CNDP1: variants seen among roughly 807,000 people sequenced by gnomAD.
CNDP1 encodes beta-Ala-His dipeptidase.
Under a neutral mutation model 58.1 loss-of-function variants are expected in CNDP1, and 44 were observed. That is an observed-to-expected ratio of 0.76 (90% CI 0.60 to 0.97). The LOEUF (loss-of-function observed/expected upper bound fraction) is 0.97. Among genes scored for constraint, CNDP1 ranks in the 50% least tolerant of loss-of-function variants. CNDP1 has a pLI of 0.00. For synonymous variants in CNDP1, 254 were observed against 252.6 expected, an observed-to-expected ratio of 1.01 and a Z score of -0.05; for missense variants, 616 against 655.1, an observed-to-expected ratio of 0.94 and a Z score of 0.65.
At position 74,543,509 on chromosome 18, in the gene CNDP1, C is replaced by CAAAATAAAAT. The variant is rs56408022; in HGVS notation, c.24+8843_24+8852dup. The stretch of plus-strand genomic sequence containing the variant: ...TCCTGTCTCAAAAAATAAAACAAAA[C>CAAAATAAAAT]AAAATAAAATAAAATAAAATAAAAT... On this transcript the variant is annotated intron_variant, in intron 1 of 11. Transcript: ENST00000358821. Among the ~76,000 whole-genome samples the CAAAATAAAAT allele has an allele frequency of 9.1e-3, 1,360 of 148,762 alleles. 8 individuals carry two copies. The highest frequency in any genetic ancestry group is 0.023 in the East Asian group (117 of 5,064).
At chr18:74,552,889 G>A (rs565283314) in intron 1 of CNDP1, among the ~76,000 whole-genome samples, 5 of 152,270 alleles carry the variant, frequency 3.3e-5, no homozygotes, top group African/African-American at 7.2e-5. Context: ...AGGCTTTTGC[G>A]TTCCCATCAG....
rs541745949 is a variant in CNDP1 at position 74,548,061 on chromosome 18, G to A, written c.25-8277G>A. 1.1e-4 allele frequency among the ~76,000 whole-genome samples: 16 copies of A among 152,262 alleles called. No individual in the cohort carries two copies. The East Asian group carries it at 2.9e-3, about 28-fold the overall frequency. ...TCTCTCAGTCCAGGACTCACCCTGC[G>A]CATCCCTAACCCCAGCCCCCGCAAG... On this transcript the variant is annotated intron_variant, in intron 1 of 11. Coordinates refer to ENST00000358821, the MANE Select transcript of CNDP1 (RefSeq NM_032649.6).
At chr18:74,553,622 G>C (rs762410834) in intron 1 of CNDP1, among the ~76,000 whole-genome samples, 1 of 152,132 alleles carries the variant, frequency 6.6e-6, no homozygotes, top group South Asian at 2.1e-4. Context: ...ATATGTATGT[G>C]TGTCCTTAAG....
rs531705345 is a variant in CNDP1, at chr18:74,557,435, T to C, written c.153+969T>C. On this transcript the variant is annotated intron_variant, in intron 2 of 11. Coordinates refer to ENST00000358821, the MANE Select transcript of CNDP1 (RefSeq NM_032649.6). ...GAGTGGGGGTAAAGTAGAGGGAGGA[T>C]GAGGAGGAATGGCAAAAAGAGGGAG... Among the ~76,000 whole-genome samples, 203 of 152,036 alleles carry C rather than the reference T, an allele frequency of 1.3e-3. 1 individual carries two copies. The highest frequency in any genetic ancestry group is 4.7e-3 in the African/African-American group (195 of 41,444).
At chr18:74,556,254 G>T (rs1981033862) in intron 1 of CNDP1, 84 bp from the exon 2 acceptor site, 2 of 1,487,852 alleles carry the variant, frequency 1.3e-6, no homozygotes, top group African/African-American at 1.4e-5. Flanking sequence ...TGAGGTAACA[G>T]ACCTTCTTGA....
intron 8 of CNDP1, 24 bp downstream of exon 8, chr18:74,577,053 A>T (rs753745444): frequency 1.3e-6 from 2 of 1,591,084 alleles, no homozygotes; most frequent in African/African-American, 1.3e-5. Flanking sequence ...CTGATGGATA[A>T]GCTGGAAGAG....
At chr18:74,546,483 A>G (rs1319321244) in intron 1 of CNDP1, among the ~76,000 whole-genome samples, 1 of 152,146 alleles carries the variant, frequency 6.6e-6, no homozygotes, top group Non-Finnish European at 1.5e-5. Flanking sequence ...GTGACGTGCC[A>G]GATGCGGTAC....
chr18:74,553,295 A>G (rs573678253), intron 1 of CNDP1, among the ~76,000 whole-genome samples: 2 of 152,262 alleles, frequency 1.3e-5, no homozygotes. Context: ...AGTCCAATTT[A>G]TCGATCCTGT....
At chr18:74,560,762 C>T (rs1981172288) in intron 3 of CNDP1, 94 bp from the exon 4 acceptor site, 3 of 1,162,026 alleles carry the variant, frequency 2.6e-6, no homozygotes, top group African/African-American at 1.5e-5. Flanking sequence ...TCAGTTTCTC[C>T]CAATGTCAAA....
At chr18:74,537,323 G>T (rs1416344049) in intron 1 of CNDP1, among the ~76,000 whole-genome samples, 2 of 152,172 alleles carry the variant, frequency 1.3e-5, no homozygotes, top group African/African-American at 4.8e-5. Context: ...ATGATGTAAG[G>T]AAGGGGTCCA....
At chr18:74,538,833 T>C (rs975962642) in intron 1 of CNDP1, among the ~76,000 whole-genome samples, 10 of 152,240 alleles carry the variant, frequency 6.6e-5, no homozygotes, top group Non-Finnish European at 1.2e-4. Context: ...TCTACCATTT[T>C]AACCATGACC....
intron 7 of CNDP1, among the ~76,000 whole-genome samples, chr18:74,571,895 GTTAC>G (rs1370194798): frequency 6.6e-6 from 1 of 152,128 alleles, no homozygotes; most frequent in Non-Finnish European, 1.5e-5. Context: ...ACCTTGGTAA[GTTAC>G]TTGAGTTCTC....
intron 1 of CNDP1, among the ~76,000 whole-genome samples, chr18:74,554,186 TCA>T (rs1980979234): frequency 1.3e-5 from 2 of 152,198 alleles, no homozygotes; most frequent in South Asian, 4.1e-4. Context: ...GCATTGACTC[TCA>T]CTCTGCCACT....
At chr18:74,565,344 T>C (rs1981300591) in intron 5 of CNDP1, among the ~76,000 whole-genome samples, 1 of 152,008 alleles carries the variant, frequency 6.6e-6, no homozygotes, top group Non-Finnish European at 1.5e-5. Context: ...TTCCCAATAG[T>C]CCCCCAAAGT....
intron 4 of CNDP1, chr18:74,561,268 T>G: frequency 2.7e-6 from 1 of 366,864 alleles, no homozygotes. Flanking sequence ...TACAAAAAAA[T>G]AGCTGGGCAT....
intron 1 of CNDP1, among the ~76,000 whole-genome samples, chr18:74,548,867 G>A (rs1394511179): frequency 1.3e-5 from 2 of 152,228 alleles, no homozygotes; most frequent in African/African-American, 4.8e-5. Flanking sequence ...TGGCTGCATT[G>A]TGTTCATGCC....
chr18:74,563,296 A>G (rs1053954344), intron 5 of CNDP1, among the ~76,000 whole-genome samples: 2 of 152,048 alleles, frequency 1.3e-5, no homozygotes, highest in East Asian at 1.9e-4. Flanking sequence ...TGAAGCTCGC[A>G]TCACATACGC....
chr18:74,583,774 G>T, intron 11 of CNDP1, 66 bp downstream of exon 11: 3 of 1,483,144 alleles, frequency 2.0e-6, no homozygotes, highest in Non-Finnish European at 9.4e-7. Flanking sequence ...GGGTCTACAC[G>T]TGGGTGAGCT....
rs544377443 is a variant in CNDP1, at chr18:74,534,769, C to A, written c.24+78C>A. 4 of 1,561,928 alleles carry A rather than the reference C, an allele frequency of 2.6e-6. No individual in the cohort carries two copies. The African/African-American group carries it at 5.4e-5, about 21-fold the overall frequency. ...TTGTCCCGGGAGCATGTGCGTTAAG[C>A]CCAGTTGGGCAGGGCAGGCACCCAG... On this transcript the variant is annotated intron_variant, in intron 1 of 11. Coordinates refer to ENST00000358821, the MANE Select transcript of CNDP1 (RefSeq NM_032649.6).
Sources: allele counts gnomAD v4.1 joint callset (sites outside exome capture counted in the v4.1 genomes callset), GRCh38; gene constraint gnomAD v4.1.1; transcripts MANE v1.5; gene names NCBI Gene and HGNC (gene_info 2026-07-23, HGNC 2026-07-21).